The following STOX2 variants were observed in gnomAD, a reference collection of about 807,000 sequenced individuals.
The protein encoded by STOX2 is storkhead box 2.
In STOX2, 28 loss-of-function variants were observed where a neutral mutation model predicts 60.9. The observed-to-expected ratio is 0.46, with a 90% CI of 0.34 to 0.63. The LOEUF (loss-of-function observed/expected upper bound fraction) is 0.63. STOX2 is among the 30% of genes least tolerant of loss of function. The pLI, the probability that STOX2 is intolerant of heterozygous loss-of-function variation, is 0.01. For synonymous variants in STOX2, 472 were observed against 463.9 expected (o/e 1.02, Z -0.22); for missense variants, 1,024 against 1,187.7 (o/e 0.86, Z 2.03).
rs76874826 is a variant in STOX2 at position 183,808,758 on chromosome 4, A to T, written c.364+10703A>T. ...TTGAAAAAGGAACATTCTAGAAGAC[A>T]GTCTTTATGCTATATACTTCTTCAT... On this transcript the variant is annotated intron_variant, in intron 1 of 2. Coordinates refer to the STOX2 transcript ENST00000513034. 5.7e-3 allele frequency among the ~76,000 whole-genome samples: 862 copies of T among 152,314 alleles called. 8 individuals are homozygous for T. Among genetic ancestry groups the T allele is most frequent in the African/African-American group, 0.02 (819 of 41,566 alleles).
intron 1 of STOX2, among the ~76,000 whole-genome samples, chr4:183,808,356 T>G (rs1223255643): frequency 6.6e-6 from 1 of 152,202 alleles, no homozygotes; most frequent in Non-Finnish European, 1.5e-5. Context: ...CCTGGGTTGG[T>G]CGTGATAGGC....
At chr4:183,933,342 A>G (rs952928111) in intron 1 of STOX2, among the ~76,000 whole-genome samples, 1 of 152,238 alleles carries the variant, frequency 6.6e-6, no homozygotes, top group Non-Finnish European at 1.5e-5. Flanking sequence ...TATTGAAATT[A>G]AAGCATTTGC....
chr4:183,980,613 T>A (rs778746616), intron 1 of STOX2, among the ~76,000 whole-genome samples: 1 of 152,202 alleles, frequency 6.6e-6, no homozygotes, highest in Non-Finnish European at 1.5e-5. Flanking sequence ...TTCAGCTTTG[T>A]GATGAGAATG....
chr4:183,860,448 A>AAAC (rs1553968690), intron 1 of STOX2, among the ~76,000 whole-genome samples: 1 of 138,270 alleles, frequency 7.2e-6, no homozygotes, highest in Non-Finnish European at 1.5e-5. Context: ...AAAACAAAAA[A>AAAC]AAAAAAAAAA....
intron 1 of STOX2, among the ~76,000 whole-genome samples, chr4:183,984,635 A>G (rs912951925): frequency 4.6e-5 from 7 of 152,196 alleles, no homozygotes; most frequent in Non-Finnish European, 7.3e-5. Flanking sequence ...CAGCTCTAAG[A>G]GCATGCGAGA....
At chr4:183,860,794 G>T (rs6852989) in intron 1 of STOX2, among the ~76,000 whole-genome samples, 142,619 of 152,226 alleles carry the variant, frequency 0.94, 67,028 homozygotes, top group Admixed American at 0.97. Context: ...AAAACCCCCT[G>T]TATGAAAAAC....
rs1743092482 is a variant in STOX2 at position 183,951,516 on chromosome 4, TCTCAG to T, written c.166+44565_166+44569del. 2.1e-5 allele frequency among the ~76,000 whole-genome samples: 3 copies of T among 142,084 alleles called. No individual in the cohort carries two copies. In the South Asian group the frequency reaches 7.6e-4, roughly 36 times the overall value. 93.2% of individuals were successfully genotyped at this position (142,084 alleles called of 152,430 possible). A position where few individuals can be genotyped will look rare whatever the true frequency, so the allele number is the denominator to read the frequency against. On this transcript the variant is annotated intron_variant, in intron 1 of 3. Transcript: ENST00000308497. Reference sequence around the variant, plus strand: ...CCCAGGCTGGAGTGCAGTGGCGCGATCTCAGCTCACTGAAACCTCCACCTCCCGGG... The same window carrying T: ...CCCAGGCTGGAGTGCAGTGGCGCGATCTCACTGAAACCTCCACCTCCCGGG...
chr4:183,912,598 G>C (rs1419665439), intron 1 of STOX2, among the ~76,000 whole-genome samples: 2 of 152,190 alleles, frequency 1.3e-5, no homozygotes, highest in Admixed American at 6.5e-5. Flanking sequence ...CCTTTCCAGA[G>C]TGATTCGCTC....
intron 1 of STOX2, among the ~76,000 whole-genome samples, chr4:183,876,625 G>A (rs908024022): frequency 6.6e-6 from 1 of 152,222 alleles, no homozygotes; most frequent in Non-Finnish European, 1.5e-5. Flanking sequence ...GGAGGCAGCC[G>A]CTCAGGGTGC....
intron 1 of STOX2, among the ~76,000 whole-genome samples, chr4:183,815,068 T>C (rs1224868301): frequency 6.6e-6 from 1 of 152,154 alleles, no homozygotes; most frequent in East Asian, 1.9e-4. Context: ...AGTGTGATCA[T>C]AGCTTGCTGT....
intron 1 of STOX2, among the ~76,000 whole-genome samples, chr4:183,886,848 G>T (rs1256583782): frequency 6.6e-6 from 1 of 152,108 alleles, no homozygotes; most frequent in Non-Finnish European, 1.5e-5. Context: ...CCCTCCCACA[G>T]ATGTGCATTC....
At chr4:183,902,062 G>C (rs1741474531), upstream of STOX2, among the ~76,000 whole-genome samples, 1 of 152,110 alleles carries the variant, frequency 6.6e-6, no homozygotes, top group African/African-American at 2.4e-5. Flanking sequence ...ATTTTCCCCA[G>C]TACTCTATTG....
chr4:184,004,581 C>T (rs1338411707), intron 2 of STOX2, among the ~76,000 whole-genome samples: 4 of 150,864 alleles, frequency 2.7e-5, no homozygotes, highest in African/African-American at 9.7e-5. Flanking sequence ...GCCTGGGCGA[C>T]AGAGCGAGAC....
At chr4:183,900,982 G>C (rs12500153), upstream of STOX2, among the ~76,000 whole-genome samples, 8,482 of 151,872 alleles carry the variant, frequency 0.056, 645 homozygotes, top group African/African-American at 0.16. Flanking sequence ...CATCCATTAC[G>C]ACCATCTATC....
Position 183,906,916 on chromosome 4 carries a change from G to C in STOX2, c.126G>C (p.Ala42=), listed in dbSNP as rs541537786. The C allele has an allele frequency of 6.5e-6, 10 of 1,549,714 alleles. No homozygotes were observed. The African/African-American group carries it at 1.4e-4, about 21-fold the overall frequency. ...KDYRLHKRFP[A]AFAPQASRGY... ...ACCGCCTGCACAAGCGTTTCCCCGCGGCCTTCGCGCCCCAGGCTTCGCGGG... is the reference window on the plus strand; with the variant it reads ...ACCGCCTGCACAAGCGTTTCCCCGCCGCCTTCGCGCCCCAGGCTTCGCGGG... Residue 42 remains alanine (A), a synonymous_variant, in exon 1 of 4, where the codon GCG becomes GCC. Transcript: ENST00000308497.
At chr4:183,939,864 A>C (rs1192151613) in intron 1 of STOX2, among the ~76,000 whole-genome samples, 1 of 152,184 alleles carries the variant, frequency 6.6e-6, no homozygotes, top group Non-Finnish European at 1.5e-5. Flanking sequence ...TGTGATAGAT[A>C]CATCAGGAGT....
intron 1 of STOX2, among the ~76,000 whole-genome samples, chr4:183,819,265 G>C (rs1264825157): frequency 6.6e-6 from 1 of 152,114 alleles, no homozygotes; most frequent in Non-Finnish European, 1.5e-5. Context: ...ATTGAGCACT[G>C]AGTGAACGAG....
At chr4:183,916,541 C>T (rs901785123) in intron 1 of STOX2, among the ~76,000 whole-genome samples, 1 of 152,114 alleles carries the variant, frequency 6.6e-6, no homozygotes, top group Non-Finnish European at 1.5e-5. Flanking sequence ...GCTCTTAGAA[C>T]CAAGCTTGGT....
intron 1 of STOX2, among the ~76,000 whole-genome samples, chr4:183,851,328 G>A (rs796511403): frequency 4.4e-3 from 145 of 33,192 alleles, no homozygotes; most frequent in African/African-American, 9.1e-3. Context: ...AAAGGATGAG[G>A]GAAAGGATGA....
Sources: allele counts gnomAD v4.1 joint callset (sites outside exome capture counted in the v4.1 genomes callset), GRCh38; gene constraint gnomAD v4.1.1; transcripts MANE v1.5; gene names NCBI Gene and HGNC (gene_info 2026-07-23, HGNC 2026-07-21).